RPRD1A: variants seen among roughly 807,000 people sequenced by gnomAD.
The protein encoded by RPRD1A is regulation of nuclear pre-mRNA domain-containing protein 1A.
RPRD1A carries 9 observed loss-of-function variants against 37.8 expected under a neutral mutation model. The observed-to-expected ratio is 0.24, with a 90% CI of 0.14 to 0.42. RPRD1A has a LOEUF of 0.42. RPRD1A is among the 10% of genes least tolerant of loss of function. RPRD1A has a pLI of 1.00. For missense variants in RPRD1A, 255 were observed against 371.0 expected, an observed-to-expected ratio of 0.69 and a Z score of 2.57; for synonymous variants, 138 against 139.7, an observed-to-expected ratio of 0.99 and a Z score of 0.08.
intron 6 of RPRD1A, among the ~76,000 whole-genome samples, chr18:36,000,305 T>C (rs1284612305): frequency 6.6e-6 from 1 of 152,212 alleles, no homozygotes; most frequent in Admixed American, 6.5e-5. Flanking sequence ...GGTTATCCTA[T>C]ACATCTCAGA....
At chr18:36,015,181 C>CACACAT (rs1568122123) in intron 6 of RPRD1A, among the ~76,000 whole-genome samples, 1 of 143,542 alleles carries the variant, frequency 7.0e-6, no homozygotes, top group African/African-American at 2.7e-5. Context: ...TATACACACA[C>CACACAT]ACACACACAC....
At chr18:36,013,693 CTTTAT>C (rs1910316369) in intron 6 of RPRD1A, among the ~76,000 whole-genome samples, 1 of 151,984 alleles carries the variant, frequency 6.6e-6, no homozygotes. Context: ...TATTTTTATC[CTTTAT>C]TTTAAAATAT....
At chr18:36,029,005 C>T (rs1911575159) in intron 4 of RPRD1A, among the ~76,000 whole-genome samples, 1 of 152,156 alleles carries the variant, frequency 6.6e-6, no homozygotes, top group African/African-American at 2.4e-5. Flanking sequence ...TCATGAGGCT[C>T]TTAGCCAAAA....
intron 1 of RPRD1A, among the ~76,000 whole-genome samples, chr18:36,046,869 C>T (rs1912996628): frequency 6.8e-6 from 1 of 146,546 alleles, no homozygotes; most frequent in African/African-American, 2.6e-5. Flanking sequence ...CATAACCTCC[C>T]AAAATCCATG....
chr18:36,041,678 T>C (rs541676367), intron 1 of RPRD1A, among the ~76,000 whole-genome samples: 4 of 152,352 alleles, frequency 2.6e-5, no homozygotes, highest in African/African-American at 7.2e-5. Flanking sequence ...ACTTCAAGAC[T>C]TTTCCTTCCG....
chr18:36,011,524 CAA>C (rs1396502725), intron 6 of RPRD1A, among the ~76,000 whole-genome samples: 2 of 151,836 alleles, frequency 1.3e-5, no homozygotes, highest in East Asian at 1.9e-4. Flanking sequence ...TAAGAAATGA[CAA>C]AAGTCAAGTT....
intron 6 of RPRD1A, among the ~76,000 whole-genome samples, chr18:36,008,975 T>TG (rs796369247): frequency 3.7e-4 from 56 of 152,272 alleles, no homozygotes; most frequent in African/African-American, 1.3e-3. Context: ...TGTTTTCTGA[T>TG]GGACACTAAC....
chr18:36,051,656 T>C (rs1353068913), intron 1 of RPRD1A, among the ~76,000 whole-genome samples: 1 of 152,192 alleles, frequency 6.6e-6, no homozygotes, highest in Non-Finnish European at 1.5e-5. Flanking sequence ...AGAAGTAAGT[T>C]CAGTCCTCCA....
At chr18:36,018,197 TATTA>T (rs1910732447) in intron 6 of RPRD1A, among the ~76,000 whole-genome samples, 1 of 105,158 alleles carries the variant, frequency 9.5e-6, no homozygotes, top group South Asian at 3.2e-4. Context: ...CATTTTTATT[TATTA>T]AAGTATCATT....
intron 1 of RPRD1A, among the ~76,000 whole-genome samples, chr18:36,057,846 TA>T (rs1913902718): frequency 1.3e-5 from 2 of 152,160 alleles, no homozygotes; most frequent in Admixed American, 1.3e-4. Flanking sequence ...CCTGATTCCA[TA>T]AACTAGGATA....
intron 1 of RPRD1A, among the ~76,000 whole-genome samples, chr18:36,057,867 T>C (rs959237240): frequency 6.6e-6 from 1 of 152,168 alleles, no homozygotes; most frequent in African/African-American, 2.4e-5. Flanking sequence ...AGGTTCCCAA[T>C]TACATTTCTC....
rs1008024530 is a variant in RPRD1A, at chr18:35,991,562, G to A, written c.*1589C>T. 1 of 152,202 alleles carries A rather than the reference G, an allele frequency of 6.6e-6. No individual in the cohort carries two copies. The highest frequency in any genetic ancestry group is 2.4e-5 in the African/African-American group (1 of 41,456). 9.4% of individuals were successfully genotyped at this position (152,202 alleles called of 1,614,324 possible). ...TCCCAGGTGAGCTATCAGCGGTAGT[G>A]TTAGGGAACCTAACTACTATTCTTT... On this transcript the variant is annotated 3_prime_UTR_variant, in exon 7 of 7. Coordinates refer to ENST00000399022, the MANE Select transcript of RPRD1A (RefSeq NM_018170.5).
chr18:36,019,140 C>T (rs1910815043), intron 6 of RPRD1A, among the ~76,000 whole-genome samples: 1 of 140,342 alleles, frequency 7.1e-6, no homozygotes, highest in South Asian at 2.2e-4. Context: ...CAGAGTCTCG[C>T]TCTGTCGCCC....
chr18:36,001,648 G>C (rs972765874), intron 6 of RPRD1A, among the ~76,000 whole-genome samples: 2 of 152,144 alleles, frequency 1.3e-5, no homozygotes. Flanking sequence ...GGCCTGCTCA[G>C]ATCCTCCATA....
chr18:36,008,591 C>G (rs192736053), intron 6 of RPRD1A, among the ~76,000 whole-genome samples: 1 of 13,026 alleles, frequency 7.7e-5, no homozygotes, highest in Non-Finnish European at 1.5e-4. Context: ...ATATATATAT[C>G]TTTAAAAATC....
intron 4 of RPRD1A, among the ~76,000 whole-genome samples, chr18:36,029,285 G>A (rs927369118): frequency 6.6e-6 from 1 of 152,100 alleles, no homozygotes; most frequent in East Asian, 1.9e-4. Context: ...CCTTCATGGG[G>A]GAAAGAGCTC....
intron 6 of RPRD1A, among the ~76,000 whole-genome samples, chr18:36,012,224 T>C (rs73946756): frequency 0.03 from 4,505 of 152,284 alleles, 212 homozygotes; most frequent in African/African-American, 0.1. Flanking sequence ...CCTAACATCA[T>C]AGCACAATGC....
At chr18:36,043,432 A>T (rs1160214616) in intron 1 of RPRD1A, among the ~76,000 whole-genome samples, 1 of 152,186 alleles carries the variant, frequency 6.6e-6, no homozygotes, top group South Asian at 2.1e-4. Context: ...GCAAAGGAAC[A>T]TCTTTTCCAT....
intron 1 of RPRD1A, among the ~76,000 whole-genome samples, chr18:36,058,069 G>T (rs1022130739): frequency 6.6e-6 from 1 of 152,126 alleles, no homozygotes; most frequent in Admixed American, 6.5e-5. Flanking sequence ...TTTGTGACAG[G>T]GTCTCACTCT....
Sources: allele counts gnomAD v4.1 joint callset (sites outside exome capture counted in the v4.1 genomes callset), GRCh38; gene constraint gnomAD v4.1.1; transcripts MANE v1.5; gene names NCBI Gene and HGNC (gene_info 2026-07-23, HGNC 2026-07-21).